Variants in PLEKHM3 observed in about 807,000 individuals in gnomAD.
The protein encoded by PLEKHM3 is pleckstrin homology domain containing M3, also known as pleckstrin homology domain-containing family M member 3.
In PLEKHM3, 45 loss-of-function variants were observed where a neutral mutation model predicts 81.8. The observed-to-expected ratio is 0.55, with a 90% CI of 0.43 to 0.71. The LOEUF (loss-of-function observed/expected upper bound fraction) is 0.71. Among genes scored for constraint, PLEKHM3 ranks in the 30% least tolerant of loss-of-function variants. The pLI is 0.00. For missense variants in PLEKHM3, 788 were observed against 924.3 expected (o/e 0.85, Z 1.91); for synonymous variants, 352 against 356.4 (o/e 0.99, Z 0.14).
intron 3 of PLEKHM3, among the ~76,000 whole-genome samples, chr2:207,962,017 G>A (rs1690752240): frequency 1.3e-5 from 2 of 152,090 alleles, no homozygotes; most frequent in African/African-American, 4.8e-5. Context: ...TCTCTGGCAG[G>A]GAGCTTCTAA....
At chr2:207,841,590 A>G (rs751864815) in intron 7 of PLEKHM3, among the ~76,000 whole-genome samples, 1 of 146,424 alleles carries the variant, frequency 6.8e-6, no homozygotes, top group Non-Finnish European at 1.5e-5. Flanking sequence ...TCCACTTAGA[A>G]TTTATCTTGA....
intron 5 of PLEKHM3, among the ~76,000 whole-genome samples, chr2:207,923,880 C>CACACACACATATATATATATATATAT (rs1319162543): frequency 1.8e-5 from 1 of 56,790 alleles, no homozygotes; most frequent in Non-Finnish European, 3.2e-5. Flanking sequence ...CACACACACA[C>CACACACACATATATATATATATATAT]ATATATATAT....
chr2:207,923,872 C>T (rs1443010976), intron 5 of PLEKHM3, among the ~76,000 whole-genome samples: 6 of 37,634 alleles, frequency 1.6e-4, no homozygotes, highest in Non-Finnish European at 3.0e-4. Context: ...CACACACACA[C>T]ACACACACAT....
At chr2:207,870,409 G>C (rs1007565368) in intron 6 of PLEKHM3, among the ~76,000 whole-genome samples, 1 of 152,192 alleles carries the variant, frequency 6.6e-6, no homozygotes, top group Non-Finnish European at 1.5e-5. Context: ...TTGGTGAAGA[G>C]GGCTGCTGCA....
intron 1 of PLEKHM3, among the ~76,000 whole-genome samples, chr2:208,002,619 T>C (rs368749639): frequency 6.6e-6 from 1 of 152,152 alleles, no homozygotes; most frequent in East Asian, 1.9e-4. Context: ...GGTGAAGTCA[T>C]GGCCTGAATG....
chr2:207,860,797 T>C (rs1054460483), intron 7 of PLEKHM3, among the ~76,000 whole-genome samples: 4 of 152,176 alleles, frequency 2.6e-5, no homozygotes, highest in Admixed American at 2.0e-4. Flanking sequence ...GAAAAAATTA[T>C]TAAGATGCTT....
intron 2 of PLEKHM3, among the ~76,000 whole-genome samples, chr2:207,998,747 T>C (rs529595479): frequency 6.6e-6 from 1 of 152,312 alleles, no homozygotes; most frequent in South Asian, 2.1e-4. Flanking sequence ...TGAATTCCTA[T>C]ATTTACAATC....
chr2:207,941,965 A>G (rs1194192848), intron 4 of PLEKHM3, among the ~76,000 whole-genome samples: 1 of 152,228 alleles, frequency 6.6e-6, no homozygotes, highest in Non-Finnish European at 1.5e-5. Context: ...ACAGAAAATA[A>G]CAGATGCTGG....
intron 4 of PLEKHM3, among the ~76,000 whole-genome samples, chr2:207,943,987 G>A (rs1690035997): frequency 6.6e-6 from 1 of 151,724 alleles, no homozygotes; most frequent in Admixed American, 6.6e-5. Context: ...TAAAGCCACA[G>A]ATTTCAATTT....
rs2092365040 is a variant in PLEKHM3 at position 207,843,323 on chromosome 2, T to C, written c.2109-14827A>G. On this transcript the variant is annotated intron_variant, in intron 7 of 7. Coordinates refer to ENST00000427836, the MANE Select transcript of PLEKHM3 (RefSeq NM_001080475.3). This position sits in a 1 kb window ranked among gnomAD's most constrained non-coding sequence, Gnocchi z 4.4. Reference sequence around the variant, plus strand: ...TGAGCCACCTCCCCAGACCCCTCTCTGAGAAAAAGTGAGGTAACAAACTAA... The same window carrying C: ...TGAGCCACCTCCCCAGACCCCTCTCCGAGAAAAAGTGAGGTAACAAACTAA... Among the ~76,000 whole-genome samples, 1 of 152,108 alleles carries C rather than the reference T, an allele frequency of 6.6e-6. No individual in the cohort carries two copies. The highest frequency in any genetic ancestry group is 2.1e-4 in the South Asian group (1 of 4,826).
chr2:207,865,801 A>AAAAAAAAAAAT lies in PLEKHM3; in HGVS notation c.1951-4540_1951-4539insATTTTTTTTTT. Among the ~76,000 whole-genome samples the AAAAAAAAAAAT allele has an allele frequency of 6.7e-4, 17 of 25,288 alleles. 1 individual carries two copies. Among genetic ancestry groups the AAAAAAAAAAAT allele is most frequent in the East Asian group, 1.1e-3 (1 of 902 alleles). 16.6% of individuals were successfully genotyped at this position (25,288 alleles called of 152,430 possible). ...CGACTCAAAAAAAAAAAAAAAAAAA[A>AAAAAAAAAAAT]AGATATATATATATATATATATATA... On this transcript the variant is annotated intron_variant, in intron 6 of 7. Transcript: ENST00000427836.
intron 6 of PLEKHM3, among the ~76,000 whole-genome samples, chr2:207,875,189 A>G (rs768777221): frequency 6.6e-6 from 1 of 152,144 alleles, no homozygotes; most frequent in Non-Finnish European, 1.5e-5. Context: ...CTTAGTATAC[A>G]CAAAGCTCTC....
intron 4 of PLEKHM3, among the ~76,000 whole-genome samples, chr2:207,934,792 T>G (rs1250268326): frequency 6.6e-6 from 1 of 152,248 alleles, no homozygotes; most frequent in Non-Finnish European, 1.5e-5. Flanking sequence ...TGAACATTAT[T>G]AAGTGTCATC....
At chr2:207,916,660 A>G (rs1689002367) in intron 5 of PLEKHM3, among the ~76,000 whole-genome samples, 1 of 152,128 alleles carries the variant, frequency 6.6e-6, no homozygotes, top group African/African-American at 2.4e-5. Context: ...AAACAGGAAA[A>G]TCACTTGAAC....
At chr2:207,916,414 G>A (rs889329546) in intron 5 of PLEKHM3, among the ~76,000 whole-genome samples, 9 of 152,120 alleles carry the variant, frequency 5.9e-5, no homozygotes, top group African/African-American at 1.9e-4. Context: ...CACTTCCCCC[G>A]CAATGAGTTT....
chr2:207,963,515 G>A (rs1467221161), intron 3 of PLEKHM3, among the ~76,000 whole-genome samples: 2 of 152,192 alleles, frequency 1.3e-5, no homozygotes, highest in Non-Finnish European at 2.9e-5. Context: ...CAGAATGAAA[G>A]CAGGAAAACT....
At chr2:207,848,679 A>C (rs1266768027) in intron 7 of PLEKHM3, among the ~76,000 whole-genome samples, 1 of 152,266 alleles carries the variant, frequency 6.6e-6, no homozygotes, top group African/African-American at 2.4e-5. Flanking sequence ...AGAAGGGAAG[A>C]AAGTGCCAAG....
At chr2:208,008,501 C>CAAAAAAAAA (rs59305459) in intron 1 of PLEKHM3, among the ~76,000 whole-genome samples, 22 of 83,738 alleles carry the variant, frequency 2.6e-4, no homozygotes, top group African/African-American at 9.4e-4. Context: ...CTAACCTTGC[C>CAAAAAAAAA]AAAAAAAAAA....
At chr2:207,994,923 A>G (rs1009898065) in intron 2 of PLEKHM3, among the ~76,000 whole-genome samples, 1 of 152,198 alleles carries the variant, frequency 6.6e-6, no homozygotes, top group African/African-American at 2.4e-5. Flanking sequence ...TCCATAAGGC[A>G]AGGCAATCTC....
Sources: gnomAD v4.1 joint callset for allele counts (sites outside exome capture counted in the v4.1 genomes callset) on GRCh38, gnomAD v4.1.1 for gene constraint, Gnocchi (gnomAD v3.1) non-coding constraint, MANE v1.5 for transcripts, NCBI Gene and HGNC (gene_info 2026-07-23, HGNC 2026-07-21) for gene names.